Variants in XKR4 observed in about 807,000 individuals in gnomAD.
XKR4 encodes XK related 4.
Under a neutral mutation model 53.9 loss-of-function variants are expected in XKR4, and 12 were observed. The ratio of observed to expected loss-of-function variants is 0.22; its 90% CI spans 0.14 to 0.36. XKR4 has a LOEUF of 0.36. Among genes scored for constraint, XKR4 ranks in the 10% least tolerant of loss-of-function variants. The probability of loss-of-function intolerance (pLI) is 1.00; values close to 1 mark genes in which losing one functional copy is unlikely to be tolerated. For missense variants in XKR4, 799 were observed against 859.5 expected, an observed-to-expected ratio of 0.93 and a Z score of 0.88; for synonymous variants, 354 against 362.4, an observed-to-expected ratio of 0.98 and a Z score of 0.26.
At chr8:55,453,044 C>T in intron 2 of XKR4, 2 of 609,546 alleles carry the variant, frequency 3.3e-6, no homozygotes, top group Non-Finnish European at 6.4e-6. Flanking sequence ...TGGGAAGGTG[C>T]CTCCCCAACC....
intron 1 of XKR4, among the ~76,000 whole-genome samples, chr8:55,273,194 A>C (rs938099049): frequency 6.7e-6 from 1 of 149,206 alleles, no homozygotes; most frequent in African/African-American, 2.5e-5. Flanking sequence ...ATGTTGCTGC[A>C]CCCTCACTGA....
chr8:55,420,120 G>A (rs1762144626), intron 2 of XKR4, among the ~76,000 whole-genome samples: 1 of 151,962 alleles, frequency 6.6e-6, no homozygotes, highest in African/African-American at 2.4e-5. Flanking sequence ...TTTTTATTTG[G>A]ATTTGTTGCT....
At chr8:55,316,204 T>C (rs1203213394) in intron 1 of XKR4, among the ~76,000 whole-genome samples, 3 of 152,176 alleles carry the variant, frequency 2.0e-5, no homozygotes, top group Non-Finnish European at 4.4e-5. Context: ...TTCACAGCCA[T>C]TTTATCTTAT....
At chr8:55,405,580 G>A (rs1216195846) in intron 2 of XKR4, among the ~76,000 whole-genome samples, 1 of 152,128 alleles carries the variant, frequency 6.6e-6, no homozygotes, top group African/African-American at 2.4e-5. Context: ...CTCTAAGCAG[G>A]GAACAGCCTG....
chr8:55,130,286 C>G (rs1338844555), intron 1 of XKR4, among the ~76,000 whole-genome samples: 2 of 152,150 alleles, frequency 1.3e-5, no homozygotes, highest in African/African-American at 4.8e-5. Context: ...GAGAAGGGTT[C>G]CATTTTATAC....
chr8:55,317,461 A>G (rs1285939948), intron 1 of XKR4, among the ~76,000 whole-genome samples: 3 of 152,184 alleles, frequency 2.0e-5, no homozygotes, highest in African/African-American at 7.2e-5. Context: ...ACCTCCTCAC[A>G]TTTCATTTTC....
At chr8:55,245,886 G>A (rs1818278524) in intron 1 of XKR4, among the ~76,000 whole-genome samples, 1 of 152,136 alleles carries the variant, frequency 6.6e-6, no homozygotes, top group African/African-American at 2.4e-5. Flanking sequence ...CTTGAAGCCA[G>A]GAGTTCAAGA....
intron 1 of XKR4, among the ~76,000 whole-genome samples, chr8:55,274,625 G>T (rs111672580): frequency 1.3e-3 from 202 of 152,052 alleles, no homozygotes; most frequent in African/African-American, 4.7e-3. Flanking sequence ...TAGAGACGGG[G>T]TCTCACCATG....
intron 2 of XKR4, among the ~76,000 whole-genome samples, chr8:55,387,130 G>T (rs957517048): frequency 6.6e-6 from 1 of 152,176 alleles, no homozygotes; most frequent in African/African-American, 2.4e-5. Flanking sequence ...ATTACCAGCT[G>T]ATTGCTGTAC....
chr8:55,402,829 T>C (rs780314090), intron 2 of XKR4, among the ~76,000 whole-genome samples: 4 of 151,986 alleles, frequency 2.6e-5, no homozygotes, highest in Non-Finnish European at 5.9e-5. Context: ...GCCAGATGAA[T>C]GGATATGAAA....
At chr8:55,394,217 T>C (rs1804484519) in intron 2 of XKR4, among the ~76,000 whole-genome samples, 1 of 152,206 alleles carries the variant, frequency 6.6e-6, no homozygotes, top group African/African-American at 2.4e-5. Context: ...CTCTCTTGGA[T>C]ATTAGTTATG....
chr8:55,509,085 T>G (rs1251583171), intron 2 of XKR4, among the ~76,000 whole-genome samples: 6 of 152,198 alleles, frequency 3.9e-5, no homozygotes, highest in African/African-American at 1.4e-4. Flanking sequence ...TTGAAAAAGT[T>G]TACTTCTTTC....
chr8:55,116,792 A>G (rs1392090686), intron 1 of XKR4, among the ~76,000 whole-genome samples: 5 of 151,946 alleles, frequency 3.3e-5, no homozygotes, highest in Non-Finnish European at 5.9e-5. Context: ...TTTTTGGTTC[A>G]GTGTTCTTAA....
intron 1 of XKR4, among the ~76,000 whole-genome samples, chr8:55,331,390 A>T (rs1231419245): frequency 8.5e-5 from 13 of 152,186 alleles, no homozygotes; most frequent in Admixed American, 7.2e-4. Context: ...TGTTCTAGAG[A>T]ATATCTCATG....
chr8:55,107,982 ACT>A (rs1386185550), intron 1 of XKR4, among the ~76,000 whole-genome samples: 4 of 152,196 alleles, frequency 2.6e-5, no homozygotes, highest in Non-Finnish European at 5.9e-5. Flanking sequence ...CAAGGAATCT[ACT>A]CTCTAATAGG....
chr8:55,256,421 G>A (rs1264035379), intron 1 of XKR4, among the ~76,000 whole-genome samples: 1 of 152,226 alleles, frequency 6.6e-6, no homozygotes, highest in African/African-American at 2.4e-5. Flanking sequence ...TTCAGTGGCT[G>A]CATTTGCAAT....
intron 2 of XKR4, among the ~76,000 whole-genome samples, chr8:55,364,498 C>T (rs189558558): frequency 1.2e-3 from 190 of 152,334 alleles, no homozygotes; most frequent in African/African-American, 4.5e-3. Flanking sequence ...CTTTTAGTCC[C>T]CAGGCAGGGT....
chr8:55,423,807 A>G (rs1430589718), intron 2 of XKR4, among the ~76,000 whole-genome samples: 2 of 152,246 alleles, frequency 1.3e-5, no homozygotes, highest in Admixed American at 6.5e-5. Flanking sequence ...CTATTGCAAG[A>G]CAGATCTTTG....
At chr8:55,428,668 C>T (rs1420652095) in intron 2 of XKR4, among the ~76,000 whole-genome samples, 4 of 152,212 alleles carry the variant, frequency 2.6e-5, no homozygotes, top group South Asian at 4.1e-4. Context: ...TGAACTTCCA[C>T]GCCCATCCAG....
Sources: gnomAD v4.1 joint callset for allele counts (sites outside exome capture counted in the v4.1 genomes callset) on GRCh38, gnomAD v4.1.1 for gene constraint, MANE v1.5 for transcripts, NCBI Gene and HGNC (gene_info 2026-07-23, HGNC 2026-07-21) for gene names.